The following ASAP1 variants were observed in gnomAD, a reference collection of about 807,000 sequenced individuals.
ASAP1 encodes the protein ArfGAP with SH3 domain, ankyrin repeat and PH domain 1.
ASAP1 carries 43 observed loss-of-function variants against 145.2 expected under a neutral mutation model. The ratio of observed to expected loss-of-function variants is 0.30; its 90% CI spans 0.23 to 0.38. ASAP1 has a LOEUF of 0.38. ASAP1 is among the 10% of genes least tolerant of loss of function. ASAP1 has a pLI of 1.00. For missense variants in ASAP1, 1,018 were observed against 1,355.3 expected, an observed-to-expected ratio of 0.75 and a Z score of 3.91; for synonymous variants, 546 against 515.5, an observed-to-expected ratio of 1.06 and a Z score of -0.80.
intron 27 of ASAP1, among the ~76,000 whole-genome samples, chr8:130,075,324 A>T (rs1262145324): frequency 6.6e-6 from 1 of 152,220 alleles, no homozygotes; most frequent in Non-Finnish European, 1.5e-5. Context: ...GAGTCCCCTC[A>T]TCTTACTACA....
intron 3 of ASAP1, among the ~76,000 whole-genome samples, chr8:130,288,390 TA>T (rs1007460336): frequency 6.6e-6 from 1 of 152,112 alleles, no homozygotes; most frequent in African/African-American, 2.4e-5. Context: ...CAACTGTTAA[TA>T]AAGAGGATAT....
chr8:130,167,002 T>A (rs2097681216), intron 11 of ASAP1, among the ~76,000 whole-genome samples: 1 of 152,156 alleles, frequency 6.6e-6, no homozygotes, highest in African/African-American at 2.4e-5. Context: ...AAAACTAGGA[T>A]TGAAAATCTA....
intron 1 of ASAP1, among the ~76,000 whole-genome samples, chr8:130,442,072 C>T (rs762072192): frequency 6.6e-6 from 1 of 152,134 alleles, no homozygotes; most frequent in Non-Finnish European, 1.5e-5. Context: ...CACTTAGTGG[C>T]GTTAGGTGAT....
chr8:130,411,732 A>C (rs1025811640), intron 1 of ASAP1, among the ~76,000 whole-genome samples: 6 of 152,192 alleles, frequency 3.9e-5, no homozygotes, highest in Admixed American at 2.0e-4. Context: ...TGACAGCCCA[A>C]AACTAGAAAT....
intron 12 of ASAP1, 118 bp downstream of exon 12, chr8:130,159,746 T>C: frequency 2.6e-6 from 2 of 765,008 alleles, no homozygotes. Flanking sequence ...AAAACCAGTG[T>C]GCTAAAGGTC....
intron 11 of ASAP1, 107 bp from the exon 12 acceptor site, chr8:130,160,071 A>G (rs1477973261): frequency 5.3e-5 from 50 of 935,224 alleles, no homozygotes; most frequent in Non-Finnish European, 8.0e-5. Context: ...TAAGGGAATT[A>G]TGGAACTTTA....
intron 2 of ASAP1, among the ~76,000 whole-genome samples, chr8:130,387,365 G>A (rs117546058): frequency 0.015 from 2,208 of 152,060 alleles, 23 homozygotes; most frequent in Middle Eastern, 0.048. Context: ...GCAAAACCTC[G>A]TCCCTACTCA....
At chr8:130,255,248 T>C (rs1259501774) in intron 3 of ASAP1, among the ~76,000 whole-genome samples, 1 of 152,148 alleles carries the variant, frequency 6.6e-6, no homozygotes, top group East Asian at 1.9e-4. Flanking sequence ...CCAAGACAAG[T>C]TCCTTTTTGT....
chr8:130,298,072 G>A (rs74824523), intron 3 of ASAP1, among the ~76,000 whole-genome samples: 2,652 of 152,250 alleles, frequency 0.017, 39 homozygotes, highest in East Asian at 0.064. Context: ...GGTGTTGGAT[G>A]GGATAAAACT....
chr8:130,183,946 C>T (rs746324087), intron 7 of ASAP1, among the ~76,000 whole-genome samples: 7 of 152,086 alleles, frequency 4.6e-5, no homozygotes, highest in Non-Finnish European at 7.4e-5. Context: ...GAAGCTGACA[C>T]AATTTAATAC....
At chr8:130,275,388 C>T (rs1820816771) in intron 3 of ASAP1, among the ~76,000 whole-genome samples, 1 of 152,192 alleles carries the variant, frequency 6.6e-6, no homozygotes, top group Admixed American at 6.5e-5. Context: ...TGGCTTTGGG[C>T]AGCAGCACTT....
intron 15 of ASAP1, among the ~76,000 whole-genome samples, chr8:130,131,504 C>T (rs942946456): frequency 6.7e-6 from 1 of 148,582 alleles, no homozygotes; most frequent in African/African-American, 2.5e-5. Context: ...TAGCTCACGC[C>T]TGTAATCCCA....
At chr8:130,405,864 C>T (rs1829004848) in intron 1 of ASAP1, among the ~76,000 whole-genome samples, 1 of 152,060 alleles carries the variant, frequency 6.6e-6, no homozygotes, top group Non-Finnish European at 1.5e-5. Flanking sequence ...AGAAAGTAAT[C>T]TAGGTTCATC....
intron 3 of ASAP1, among the ~76,000 whole-genome samples, chr8:130,270,922 T>G (rs1268056819): frequency 6.6e-6 from 1 of 152,188 alleles, no homozygotes; most frequent in Non-Finnish European, 1.5e-5. Context: ...TGAGAAGTAG[T>G]TCACCCTACA....
chr8:130,090,338 G>A (rs568703448), intron 25 of ASAP1, among the ~76,000 whole-genome samples: 3 of 152,292 alleles, frequency 2.0e-5, no homozygotes, highest in South Asian at 4.1e-4. Flanking sequence ...GATATGAAAC[G>A]CTGATGTGAA....
intron 4 of ASAP1, among the ~76,000 whole-genome samples, chr8:130,227,815 G>A (rs1253304485): frequency 1.3e-5 from 2 of 151,954 alleles, no homozygotes; most frequent in Non-Finnish European, 2.9e-5. Context: ...TTCAGATAAC[G>A]TGTGTCGTCG....
At chr8:130,184,458 A>T (rs977286253) in intron 7 of ASAP1, among the ~76,000 whole-genome samples, 2 of 152,220 alleles carry the variant, frequency 1.3e-5, no homozygotes, top group Non-Finnish European at 2.9e-5. Flanking sequence ...TTTCCATTAG[A>T]AGCACATTTG....
chr8:130,435,639 CA>C (rs1266260173), intron 1 of ASAP1, among the ~76,000 whole-genome samples: 14 of 152,288 alleles, frequency 9.2e-5, no homozygotes, highest in Non-Finnish European at 1.6e-4. Context: ...TAGCTGGTTG[CA>C]ACTTGGTGTC....
chr8:130,367,978 T>C (rs1034381507), intron 2 of ASAP1, among the ~76,000 whole-genome samples: 5 of 152,196 alleles, frequency 3.3e-5, no homozygotes, highest in African/African-American at 1.2e-4. Context: ...ACTGCAGAGT[T>C]TTCTTCTTAA....
Sources: allele counts gnomAD v4.1 joint callset (sites outside exome capture counted in the v4.1 genomes callset), GRCh38; gene constraint gnomAD v4.1.1; transcripts MANE v1.5; gene names NCBI Gene and HGNC (gene_info 2026-07-23, HGNC 2026-07-21).